The following PTPRN2 variants were observed in gnomAD, a reference collection of about 807,000 sequenced individuals.
The protein encoded by PTPRN2 is protein tyrosine phosphatase receptor type N2.
Under a neutral mutation model 118.8 loss-of-function variants are expected in PTPRN2, and 74 were observed. The observed-to-expected ratio is 0.62, with a 90% CI of 0.52 to 0.76. The LOEUF is 0.76. Ranked by LOEUF, PTPRN2 falls within the 30% of genes least tolerant of loss-of-function variation. PTPRN2 has a pLI of 0.00. For synonymous variants in PTPRN2, 641 were observed against 608.0 expected, an observed-to-expected ratio of 1.05 and a Z score of -0.80; for missense variants, 1,481 against 1,394.4, an observed-to-expected ratio of 1.06 and a Z score of -0.99.
chr7:157,930,433 C>T (rs1563248772), intron 11 of PTPRN2, among the ~76,000 whole-genome samples: 1 of 152,150 alleles, frequency 6.6e-6, no homozygotes, highest in Non-Finnish European at 1.5e-5. Context: ...TTGTGGGGTG[C>T]AATCATTTCC....
At chr7:158,217,210 G>A (rs570581661) in intron 3 of PTPRN2, among the ~76,000 whole-genome samples, 1 of 152,302 alleles carries the variant, frequency 6.6e-6, no homozygotes, top group African/African-American at 2.4e-5. Flanking sequence ...GCCCCTGATA[G>A]AGTGCTTTCA....
At chr7:158,043,541 C>T (rs1056998394) in intron 11 of PTPRN2, among the ~76,000 whole-genome samples, 8 of 152,190 alleles carry the variant, frequency 5.3e-5, no homozygotes, top group African/African-American at 1.9e-4. Context: ...AATAATATCT[C>T]CCCAGCACCA....
chr7:157,736,307 C>A (rs1391223380), intron 12 of PTPRN2, among the ~76,000 whole-genome samples: 1 of 152,116 alleles, frequency 6.6e-6, no homozygotes, highest in Non-Finnish European at 1.5e-5. Context: ...GAATTGTGAC[C>A]CCCCAAATCC....
At chr7:158,240,964 T>C (rs889074061) in intron 3 of PTPRN2, among the ~76,000 whole-genome samples, 7 of 152,166 alleles carry the variant, frequency 4.6e-5, no homozygotes, top group African/African-American at 1.4e-4. Flanking sequence ...CCAGGAACCA[T>C]GTCAGGAGCC....
Position 158,509,595 on chromosome 7 carries a change from C to A in PTPRN2, c.113-19810G>T, listed in dbSNP as rs1326116441. ...TCAGAATAGCACAGATGCGTAGTCA[C>A]CCCAAAGCCCATCTGCTTTGTTCCG... On this transcript the variant is annotated intron_variant, in intron 1 of 22. Coordinates refer to ENST00000389418, the MANE Select transcript of PTPRN2 (RefSeq NM_002847.5). The surrounding 1 kb of genome is among the most constrained non-coding windows in gnomAD (Gnocchi z 4.4). Among the ~76,000 whole-genome samples the A allele has an allele frequency of 6.6e-6, 1 of 152,234 alleles. No individual in the cohort carries two copies. Among genetic ancestry groups the A allele is most frequent in the Non-Finnish European group, 1.5e-5 (1 of 68,046 alleles).
rs77328573 is a variant in PTPRN2, at chr7:158,080,205, G to A, written c.1723+1093C>T. Among the ~76,000 whole-genome samples, 860 of 150,944 alleles carry A rather than the reference G, an allele frequency of 5.7e-3. 10 individuals are homozygous for A. The highest frequency in any genetic ancestry group is 0.021 in the African/African-American group (842 of 40,996). ...GAAAAAGAAACTTCAAGTTTACAGG[G>A]TGCCAGTACAGTGACGCCTCAATCA... On this transcript the variant is annotated intron_variant, in intron 11 of 22. Coordinates refer to ENST00000389418, the MANE Select transcript of PTPRN2 (RefSeq NM_002847.5).
At position 158,196,687 on chromosome 7, in the gene PTPRN2, C is replaced by T. The variant is rs141675064; in HGVS notation, c.381-4192G>A. Among the ~76,000 whole-genome samples the T allele has an allele frequency of 6.1e-3, 935 of 152,280 alleles. 10 individuals carry two copies. The highest frequency in any genetic ancestry group is 0.02 in the African/African-American group (837 of 41,554). On this transcript the variant is annotated intron_variant, in intron 4 of 22. Coordinates refer to ENST00000389418, the MANE Select transcript of PTPRN2 (RefSeq NM_002847.5). ...CCGGGCACCCCTGGGGCCCTGCCCA[C>T]GGCTAGTGAGGATCTTGGGGGACTT...
chr7:158,387,025 G>A (rs759323547), intron 2 of PTPRN2, among the ~76,000 whole-genome samples: 2 of 152,108 alleles, frequency 1.3e-5, no homozygotes, highest in East Asian at 1.9e-4. Flanking sequence ...CTCTGGGATC[G>A]CGTCTGCCCA....
intron 2 of PTPRN2, among the ~76,000 whole-genome samples, chr7:158,331,065 A>G (rs1804305233): frequency 6.8e-6 from 1 of 147,918 alleles, no homozygotes; most frequent in African/African-American, 2.5e-5. Flanking sequence ...CGTCACTCAC[A>G]CCCACACTCT....
chr7:158,463,656 GTCA>G (rs1563324580), intron 2 of PTPRN2, among the ~76,000 whole-genome samples: 2 of 150,940 alleles, frequency 1.3e-5, no homozygotes, highest in African/African-American at 2.4e-5. Context: ...CACCATCATC[GTCA>G]TCACCATATC....
chr7:158,276,210 C>T (rs910139184), intron 3 of PTPRN2, among the ~76,000 whole-genome samples: 8 of 109,302 alleles, frequency 7.3e-5, no homozygotes, highest in African/African-American at 2.1e-4. Context: ...GCCCTGGCCC[C>T]GGCAGGCTGT....
intron 1 of PTPRN2, among the ~76,000 whole-genome samples, chr7:158,510,141 CT>C (rs1387738818): frequency 1.3e-5 from 2 of 152,234 alleles, no homozygotes; most frequent in Non-Finnish European, 2.9e-5. Flanking sequence ...GGCCACACCC[CT>C]AAACCTGTTT....
At chr7:158,266,786 G>T (rs1427790430) in intron 3 of PTPRN2, among the ~76,000 whole-genome samples, 1 of 152,188 alleles carries the variant, frequency 6.6e-6, no homozygotes, top group Non-Finnish European at 1.5e-5. Flanking sequence ...AAAGTACATT[G>T]CCTGACCCCA....
rs530835504 is a variant in PTPRN2, at chr7:157,763,114, G to A, written c.1789-80177C>T. On this transcript the variant is annotated intron_variant, in intron 12 of 22. Transcript: ENST00000389418. This position sits in a 1 kb window ranked among gnomAD's most constrained non-coding sequence, Gnocchi z 4.9. ...GAGCTAACCATCAGAGCCCACGGCC[G>A]CCCACTCATGGTCGGTCACAGGGTT... Among the ~76,000 whole-genome samples, 8 of 130,892 alleles carry A rather than the reference G, an allele frequency of 6.1e-5. No individual in the cohort carries two copies. The highest frequency in any genetic ancestry group is 2.0e-4 in the East Asian group (1 of 5,036). 85.9% of individuals were successfully genotyped at this position (130,892 alleles called of 152,430 possible).
intron 2 of PTPRN2, among the ~76,000 whole-genome samples, chr7:158,354,705 A>G (rs898938774): frequency 1.3e-5 from 2 of 152,198 alleles, no homozygotes; most frequent in Non-Finnish European, 2.9e-5. Context: ...ACCAAATCCA[A>G]GAATTACTGG....
intron 16 of PTPRN2, among the ~76,000 whole-genome samples, chr7:157,600,635 C>A (rs62476778): frequency 6.6e-6 from 1 of 152,212 alleles, no homozygotes; most frequent in African/African-American, 2.4e-5. Flanking sequence ...TCTTAAACTT[C>A]TGAACTCAAG....
chr7:158,134,334 G>A (rs1818632233), intron 8 of PTPRN2, among the ~76,000 whole-genome samples: 1 of 152,130 alleles, frequency 6.6e-6, no homozygotes, highest in East Asian at 1.9e-4. Context: ...ACACCTCTCT[G>A]AAGAATCAGA....
chr7:158,240,255 AAGAGAG>A (rs10532382), intron 3 of PTPRN2, among the ~76,000 whole-genome samples: 4 of 151,340 alleles, frequency 2.6e-5, no homozygotes, highest in Non-Finnish European at 5.9e-5. Context: ...TATACCAAAA[AAGAGAG>A]AGAGAGAGAG....
In PTPRN2 at chr7:157,544,379, G is replaced by T. The variant is rs566136251; in HGVS notation, c.2977-3594C>A. The stretch of plus-strand genomic sequence containing the variant: ...GCAACGCCCTGCTTCTGGGACGGAG[G>T]ACAACACCGGGTACGTCTGAGGAGG... On this transcript the variant is annotated intron_variant, in intron 22 of 22. Coordinates refer to ENST00000389418, the MANE Select transcript of PTPRN2 (RefSeq NM_002847.5). 3.5e-4 allele frequency among the ~76,000 whole-genome samples: 53 copies of T among 152,346 alleles called. 1 individual carries two copies. Among genetic ancestry groups the T allele is most frequent in the African/African-American group, 1.3e-3 (53 of 41,592 alleles).
Sources: allele counts gnomAD v4.1 joint callset (sites outside exome capture counted in the v4.1 genomes callset), GRCh38; gene constraint gnomAD v4.1.1; non-coding constraint Gnocchi (gnomAD v3.1); transcripts MANE v1.5; gene names NCBI Gene and HGNC (gene_info 2026-07-23, HGNC 2026-07-21).